Variants in FSTL4 observed in about 807,000 individuals in gnomAD.
FSTL4 encodes follistatin-related protein 4.
In FSTL4, 28 loss-of-function variants were observed where a neutral mutation model predicts 78.2. The ratio of observed to expected loss-of-function variants is 0.36; its 90% CI spans 0.27 to 0.49. The LOEUF is 0.49. Among genes scored for constraint, FSTL4 ranks in the 20% least tolerant of loss-of-function variants. The probability of loss-of-function intolerance (pLI) is 0.98; values close to 1 mark genes in which losing one functional copy is unlikely to be tolerated. For missense variants in FSTL4, 922 were observed against 1,084.9 expected (o/e 0.85, Z 2.11); for synonymous variants, 422 against 440.5 (o/e 0.96, Z 0.53).
intron 2 of FSTL4, chr5:133,583,244 T>A: frequency 2.2e-6 from 1 of 455,916 alleles, no homozygotes; most frequent in South Asian, 1.5e-5. Context: ...CCAACTTGGC[T>A]GCCAATGCTG....
chr5:133,739,755 T>C, the FSTL4 span, among the ~76,000 whole-genome samples: 1 of 152,188 alleles, frequency 6.6e-6, no homozygotes, highest in Non-Finnish European at 1.5e-5. Flanking sequence ...ATCTTTACAA[T>C]AATACCTTCC....
chr5:133,339,553 G>C (rs950686218), intron 4 of FSTL4, among the ~76,000 whole-genome samples: 1 of 152,064 alleles, frequency 6.6e-6, no homozygotes, highest in Non-Finnish European at 1.5e-5. Flanking sequence ...AGCCAATGGG[G>C]GTCCTGGCAT....
chr5:133,682,619 G>A, the FSTL4 span, among the ~76,000 whole-genome samples: 1 of 152,212 alleles, frequency 6.6e-6, no homozygotes, highest in South Asian at 2.1e-4. Flanking sequence ...CCCAATTTGT[G>A]CACCATTTGT....
At chr5:133,718,245 A>C in the FSTL4 span, among the ~76,000 whole-genome samples, 1 of 151,942 alleles carries the variant, frequency 6.6e-6, no homozygotes, top group Admixed American at 6.6e-5. Flanking sequence ...ATGCCCAGCC[A>C]ATTTTTGACA....
At chr5:133,831,082 T>C in the FSTL4 span, among the ~76,000 whole-genome samples, 1 of 152,160 alleles carries the variant, frequency 6.6e-6, no homozygotes, top group African/African-American at 2.4e-5. Context: ...CCTGGTGTTG[T>C]AAAAGATACT....
chr5:133,284,001 G>A (rs1753069780), intron 6 of FSTL4, among the ~76,000 whole-genome samples: 1 of 152,188 alleles, frequency 6.6e-6, no homozygotes, highest in African/African-American at 2.4e-5. Flanking sequence ...TATCATGAGA[G>A]TGGCAAGGGG....
At chr5:133,320,277 T>C (rs1754014843) in intron 4 of FSTL4, among the ~76,000 whole-genome samples, 1 of 152,062 alleles carries the variant, frequency 6.6e-6, no homozygotes, top group African/African-American at 2.4e-5. Flanking sequence ...GCAAGGTGTG[T>C]CAAAGTCATA....
At chr5:133,213,474 C>T (rs1240766823) in intron 13 of FSTL4, among the ~76,000 whole-genome samples, 1 of 152,104 alleles carries the variant, frequency 6.6e-6, no homozygotes, top group East Asian at 1.9e-4. Flanking sequence ...AGATAAAATT[C>T]ATTACCACAA....
chr5:133,413,356 T>C (rs1204358347), intron 3 of FSTL4, among the ~76,000 whole-genome samples: 1 of 152,152 alleles, frequency 6.6e-6, no homozygotes, highest in Admixed American at 6.5e-5. Flanking sequence ...ATTTTTTTTC[T>C]TTCAACTTGA....
chr5:133,296,110 C>A (rs1753389635), intron 6 of FSTL4, among the ~76,000 whole-genome samples: 1 of 152,190 alleles, frequency 6.6e-6, no homozygotes, highest in South Asian at 2.1e-4. Context: ...CACCCATGGT[C>A]TCCTCTGTCT....
chr5:133,229,152 GGATA>G (rs1751417621), intron 8 of FSTL4, among the ~76,000 whole-genome samples: 2 of 152,198 alleles, frequency 1.3e-5, no homozygotes, highest in African/African-American at 4.8e-5. Flanking sequence ...AGATGCTCTT[GGATA>G]GAAAGACTTA....
rs548795556 is a variant in FSTL4 at position 133,474,669 on chromosome 5, A to C, written c.161-73683T>G. Among the ~76,000 whole-genome samples the C allele has an allele frequency of 3.9e-5, 6 of 152,314 alleles. No individual in the cohort carries two copies. The East Asian group carries it at 1.2e-3, about 29-fold the overall frequency. ...ACCCTGGCATTAATAAGGAAAGCACATCTAATTGCCAAAAATGGTTGATGC... is the reference window on the plus strand; with the variant it reads ...ACCCTGGCATTAATAAGGAAAGCACCTCTAATTGCCAAAAATGGTTGATGC... On this transcript the variant is annotated intron_variant, in intron 3 of 15. Transcript: ENST00000265342.
chr5:133,345,069 C>T (rs910684413), intron 4 of FSTL4, among the ~76,000 whole-genome samples: 4 of 151,452 alleles, frequency 2.6e-5, no homozygotes, highest in Non-Finnish European at 5.9e-5. Context: ...CCCGGGTTCA[C>T]GCCATTCTCC....
At chr5:133,771,969 A>T in the FSTL4 span, among the ~76,000 whole-genome samples, 1 of 152,168 alleles carries the variant, frequency 6.6e-6, no homozygotes, top group Non-Finnish European at 1.5e-5. Flanking sequence ...TTTAATTTCT[A>T]CTCACAATGG....
intron 4 of FSTL4, among the ~76,000 whole-genome samples, chr5:133,379,638 C>T (rs984569094): frequency 6.6e-6 from 1 of 152,102 alleles, no homozygotes; most frequent in Non-Finnish European, 1.5e-5. Flanking sequence ...ACAACACACA[C>T]CTACATAACC....
the FSTL4 span, among the ~76,000 whole-genome samples, chr5:133,751,773 G>A: frequency 5.3e-5 from 8 of 152,216 alleles, no homozygotes; most frequent in African/African-American, 1.9e-4. Context: ...GCTTTTGGGA[G>A]GTGCAACAGC....
intron 3 of FSTL4, among the ~76,000 whole-genome samples, chr5:133,484,930 T>C (rs1217979443): frequency 6.6e-6 from 1 of 152,236 alleles, no homozygotes; most frequent in Non-Finnish European, 1.5e-5. Context: ...TAACAGTTCT[T>C]ATTATTGCTG....
intron 2 of FSTL4, among the ~76,000 whole-genome samples, chr5:133,576,586 G>A (rs926076827): frequency 1.5e-4 from 23 of 152,136 alleles, no homozygotes; most frequent in African/African-American, 5.3e-4. Flanking sequence ...CAAGGGGCCC[G>A]GCCTGAGGAG....
intron 6 of FSTL4, among the ~76,000 whole-genome samples, chr5:133,264,669 C>T (rs1312077384): frequency 6.6e-6 from 1 of 152,196 alleles, no homozygotes; most frequent in Non-Finnish European, 1.5e-5. Context: ...AAATCTCTTT[C>T]CCTTATATGG....
Sources: allele counts gnomAD v4.1 joint callset (sites outside exome capture counted in the v4.1 genomes callset), GRCh38; gene constraint gnomAD v4.1.1; transcripts MANE v1.5; gene names NCBI Gene and HGNC (gene_info 2026-07-23, HGNC 2026-07-21).